CHST11: variants seen among roughly 807,000 people sequenced by gnomAD.
The protein encoded by CHST11 is carbohydrate sulfotransferase 11.
In CHST11, 9 loss-of-function variants were observed where a neutral mutation model predicts 30.4. The ratio of observed to expected loss-of-function variants is 0.30; its 90% CI spans 0.18 to 0.52. The LOEUF (loss-of-function observed/expected upper bound fraction) is 0.52, where lower values mean the gene tolerates loss of function less well. CHST11 is among the 20% of genes least tolerant of loss of function. The pLI is 0.97. For missense variants in CHST11, 348 were observed against 460.6 expected, an observed-to-expected ratio of 0.76 and a Z score of 2.24; for synonymous variants, 152 against 187.8, an observed-to-expected ratio of 0.81 and a Z score of 1.56.
chr12:104,574,682 G>C (rs2038664123), intron 1 of CHST11, among the ~76,000 whole-genome samples: 2 of 151,968 alleles, frequency 1.3e-5, no homozygotes, highest in Non-Finnish European at 2.9e-5. Flanking sequence ...ACACAGGAAG[G>C]GGAACATCAC....
intron 2 of CHST11, among the ~76,000 whole-genome samples, chr12:104,687,283 T>C (rs528157582): frequency 2.6e-5 from 4 of 152,370 alleles, no homozygotes; most frequent in African/African-American, 9.6e-5. Flanking sequence ...CCAAGGGTTG[T>C]TGACTGAATT....
rs146417762 is a variant in CHST11, at chr12:104,748,263, C to T, written c.205-8686C>T. Among the ~76,000 whole-genome samples, 475 of 152,300 alleles carry T rather than the reference C, an allele frequency of 3.1e-3. 2 individuals are homozygous for T. The highest frequency in any genetic ancestry group is 0.011 in the African/African-American group (444 of 41,550). ...TGAATTGGTGAAAGACATTAGATTA[C>T]AGTCATTTCCAAATAGTATAAAGCT... On this transcript the variant is annotated intron_variant, in intron 2 of 2. Coordinates refer to ENST00000303694, the MANE Select transcript of CHST11 (RefSeq NM_018413.6).
intron 1 of CHST11, among the ~76,000 whole-genome samples, chr12:104,530,656 G>A (rs1471883608): frequency 1.3e-5 from 2 of 152,242 alleles, no homozygotes; most frequent in African/African-American, 4.8e-5. Context: ...GCTTCATTTT[G>A]TTGTATTCTT....
At chr12:104,497,334 C>T (rs985509252) in intron 1 of CHST11, among the ~76,000 whole-genome samples, 3 of 152,144 alleles carry the variant, frequency 2.0e-5, no homozygotes, top group Admixed American at 6.5e-5. Context: ...CGGTTGTGCA[C>T]GCACAGAGGA....
At chr12:104,742,980 AC>A (rs1025687695) in intron 2 of CHST11, among the ~76,000 whole-genome samples, 80 of 152,146 alleles carry the variant, frequency 5.3e-4, no homozygotes, top group African/African-American at 1.9e-3. Flanking sequence ...AGAAATCTCC[AC>A]CAGAAGATGA....
chr12:104,679,223 A>G (rs1277239267), intron 2 of CHST11, among the ~76,000 whole-genome samples: 1 of 152,158 alleles, frequency 6.6e-6, no homozygotes, highest in African/African-American at 2.4e-5. Flanking sequence ...AGAAAGTTCC[A>G]TTTCCAGAAG....
chr12:104,644,822 G>C (rs1230620084), intron 2 of CHST11, among the ~76,000 whole-genome samples: 1 of 152,264 alleles, frequency 6.6e-6, no homozygotes, highest in Non-Finnish European at 1.5e-5. Context: ...GCTTCAGTCT[G>C]GAAGATAGTG....
At chr12:104,711,250 T>G (rs1170150569) in intron 2 of CHST11, among the ~76,000 whole-genome samples, 1 of 152,200 alleles carries the variant, frequency 6.6e-6, no homozygotes, top group African/African-American at 2.4e-5. Flanking sequence ...GCAGATGGAT[T>G]TAATTTTTTT....
intron 2 of CHST11, among the ~76,000 whole-genome samples, chr12:104,677,051 C>T (rs1384402140): frequency 6.6e-6 from 1 of 152,218 alleles, no homozygotes; most frequent in Non-Finnish European, 1.5e-5. Flanking sequence ...CCCATTTCCT[C>T]CTTTCCTCAT....
At chr12:104,592,405 C>G (rs1328097520) in intron 1 of CHST11, among the ~76,000 whole-genome samples, 2 of 152,166 alleles carry the variant, frequency 1.3e-5, no homozygotes, top group Non-Finnish European at 2.9e-5. Context: ...CTTTCTGGTT[C>G]ATAGACAGTC....
At chr12:104,535,193 A>G (rs1416059450) in intron 1 of CHST11, among the ~76,000 whole-genome samples, 1 of 152,134 alleles carries the variant, frequency 6.6e-6, no homozygotes, top group African/African-American at 2.4e-5. Context: ...GAGCTGAGTT[A>G]TGGTGTAGGG....
intron 2 of CHST11, among the ~76,000 whole-genome samples, chr12:104,662,222 G>C (rs1028955322): frequency 1.3e-5 from 2 of 152,152 alleles, no homozygotes; most frequent in Admixed American, 6.5e-5. Context: ...CCAAGATCTG[G>C]GTTTGAGTGT....
At chr12:104,571,680 C>T (rs180832425) in intron 1 of CHST11, among the ~76,000 whole-genome samples, 6 of 152,240 alleles carry the variant, frequency 3.9e-5, no homozygotes, top group East Asian at 3.9e-4. Flanking sequence ...ACCCCTGGAC[C>T]GTATCACCTC....
chr12:104,466,264 T>G (rs768021899), intron 1 of CHST11, among the ~76,000 whole-genome samples: 10 of 152,230 alleles, frequency 6.6e-5, no homozygotes, highest in Non-Finnish European at 1.2e-4. Flanking sequence ...GTCTCCCAGC[T>G]AATGGTAGTA....
At chr12:104,537,436 A>C (rs953907559) in intron 1 of CHST11, among the ~76,000 whole-genome samples, 6 of 152,208 alleles carry the variant, frequency 3.9e-5, no homozygotes, top group Non-Finnish European at 8.8e-5. Context: ...CTGAGGTCCA[A>C]TGACTTGGGT....
At chr12:104,526,280 A>G (rs911700048) in intron 1 of CHST11, among the ~76,000 whole-genome samples, 1 of 152,046 alleles carries the variant, frequency 6.6e-6, no homozygotes, top group Non-Finnish European at 1.5e-5. Flanking sequence ...TTTTTGTTCC[A>G]TGGAAGGTAG....
At chr12:104,626,112 G>T (rs2039212548) in intron 2 of CHST11, among the ~76,000 whole-genome samples, 1 of 152,164 alleles carries the variant, frequency 6.6e-6, no homozygotes, top group African/African-American at 2.4e-5. Flanking sequence ...CTAAAACACG[G>T]AGTCTTATTT....
intron 1 of CHST11, among the ~76,000 whole-genome samples, chr12:104,579,252 A>G (rs1433507970): frequency 2.0e-5 from 3 of 152,260 alleles, no homozygotes; most frequent in Middle Eastern, 3.4e-3. Context: ...TTTAGCCTTC[A>G]TGTGGGAGGC....
chr12:104,655,713 C>T (rs2136084687), intron 2 of CHST11, among the ~76,000 whole-genome samples: 1 of 152,262 alleles, frequency 6.6e-6, no homozygotes, highest in East Asian at 1.9e-4. Flanking sequence ...CATTTTGAAC[C>T]TAAGGAACAC....
Sources: allele counts gnomAD v4.1 joint callset (sites outside exome capture counted in the v4.1 genomes callset), GRCh38; gene constraint gnomAD v4.1.1; transcripts MANE v1.5; gene names NCBI Gene and HGNC (gene_info 2026-07-23, HGNC 2026-07-21).